BCR: variants seen among roughly 807,000 people sequenced by gnomAD.
BCR encodes BCR activator of RhoGEF and GTPase, also known as breakpoint cluster region protein.
A neutral mutation model predicts 138.6 loss-of-function variants in BCR; 58 were observed. That is an observed-to-expected ratio of 0.42 (90% CI 0.34 to 0.52). The LOEUF is 0.52. BCR is among the 20% of genes least tolerant of loss of function. The pLI, the probability that BCR is intolerant of heterozygous loss-of-function variation, is 0.06. For synonymous variants in BCR, 786 were observed against 730.1 expected, an observed-to-expected ratio of 1.08 and a Z score of -1.23; for missense variants, 1,599 against 1,727.2, an observed-to-expected ratio of 0.93 and a Z score of 1.32.
chr22:23,299,055 G>A (rs964577979), intron 16 of BCR, among the ~76,000 whole-genome samples: 8 of 152,210 alleles, frequency 5.3e-5, no homozygotes, highest in Non-Finnish European at 1.2e-4. Context: ...GGAGTGCAGT[G>A]GCATGATCTC....
At position 23,253,896 on chromosome 22, in the gene BCR, G is replaced by A. The variant is rs113473889; in HGVS notation, c.1377G>A (p.Ser459=). The A allele has an allele frequency of 1.1e-5, 17 of 1,613,110 alleles. No individual in the cohort carries two copies. The highest frequency in any genetic ancestry group is 1.1e-5 in the Non-Finnish European group (13 of 1,180,014). ...HQDGLPYIDD[S]PSSSPHLSSK... ...ATGGGCTGCCCTACATTGATGACTC[G>A]CCCTCCTCATCGCCCCACCTCAGCA... Residue 459 remains serine, a synonymous_variant, in exon 2 of 23, where the codon TCG becomes TCA. Transcript: ENST00000305877.
chr22:23,207,039 C>T lies in BCR; in HGVS notation c.1279+24800C>T, dbSNP rs182256696. ...TCCATCCATTCAACATTGAACTATC[C>T]ATTATTCACTCATCCATCCAAACAT... On this transcript the variant is annotated intron_variant, in intron 1 of 22. Transcript: ENST00000305877. Among the ~76,000 whole-genome samples the T allele has an allele frequency of 3.0e-3, 437 of 144,126 alleles. 1 individual carries two copies. The highest frequency in any genetic ancestry group is 0.01 in the African/African-American group (411 of 39,584). 94.6% of individuals were successfully genotyped at this position (144,126 alleles called of 152,430 possible). A position where few individuals can be genotyped will look rare whatever the true frequency, so the allele number is the denominator to read the frequency against.
intron 16 of BCR, among the ~76,000 whole-genome samples, chr22:23,299,325 C>T (rs1602120511): frequency 6.6e-6 from 1 of 152,202 alleles, no homozygotes; most frequent in Non-Finnish European, 1.5e-5. Context: ...CTCCTATGGG[C>T]GCCTCTGCCA....
chr22:23,276,835 T>C (rs1044472612), intron 8 of BCR, among the ~76,000 whole-genome samples: 1 of 152,244 alleles, frequency 6.6e-6, no homozygotes. Context: ...CAGGGTCCGC[T>C]CTCCCTCACT....
chr22:23,268,377 G>T, intron 4 of BCR, 31 bp from the exon 5 acceptor site: 1 of 1,549,660 alleles, frequency 6.5e-7, no homozygotes, highest in Non-Finnish European at 8.8e-7. Context: ...AGCAGCACCT[G>T]TCCCACTCTC....
Position 23,315,935 on chromosome 22 carries a change from A to G in BCR, c.*413A>G. The G allele has an allele frequency of 2.6e-6, 1 of 391,640 alleles. No individual in the cohort carries two copies. Among genetic ancestry groups the G allele is most frequent in the Non-Finnish European group, 4.8e-6 (1 of 207,356 alleles). The allele number at this position is 391,640 out of a possible 1,614,324, so 24.3% of individuals were successfully genotyped here. ...ATTCCCTCACTGTTGTATCTTGAATAAACGCTGCTGCTTCATCCTGTGGGG... is the reference window on the plus strand; with the variant it reads ...ATTCCCTCACTGTTGTATCTTGAATGAACGCTGCTGCTTCATCCTGTGGGG... On this transcript the variant is annotated 3_prime_UTR_variant, in exon 23 of 23. Transcript: ENST00000305877.
intron 12 of BCR, among the ~76,000 whole-genome samples, chr22:23,288,977 G>A (rs1456982965): frequency 6.6e-6 from 1 of 152,158 alleles, no homozygotes; most frequent in Non-Finnish European, 1.5e-5. Context: ...CAATGCCACC[G>A]TGGCCTGGGG....
At chr22:23,296,020 G>T (rs746375286) in intron 16 of BCR, among the ~76,000 whole-genome samples, 8 of 152,082 alleles carry the variant, frequency 5.3e-5, no homozygotes, top group African/African-American at 1.9e-4. Flanking sequence ...AGAAGCACAG[G>T]GCTCCTCAGG....
chr22:23,237,963 G>A (rs1602050515), intron 1 of BCR, among the ~76,000 whole-genome samples: 1 of 152,228 alleles, frequency 6.6e-6, no homozygotes. Context: ...TGCGTGAACA[G>A]GTGAGGCTTC....
chr22:23,287,951 C>A, intron 11 of BCR, 146 bp from the exon 12 acceptor site: 2 of 735,862 alleles, frequency 2.7e-6, no homozygotes, highest in Non-Finnish European at 2.4e-6. Flanking sequence ...GTGCCGGAAG[C>A]GACATGCCAG....
Position 23,244,066 on chromosome 22 carries a change from T to A in BCR, c.1280-9733T>A, listed in dbSNP as rs542251218. On this transcript the variant is annotated intron_variant, in intron 1 of 22. Transcript: ENST00000305877. ...CCCCCAGTGCCTTAAGTGGGAACAG[T>A]CTTGTGGTACTGAGCCCTTAACCTG... is the stretch of plus-strand genomic sequence containing the variant. 2.6e-5 allele frequency among the ~76,000 whole-genome samples: 4 copies of A among 152,206 alleles called. No homozygotes were observed. In the East Asian group the frequency reaches 7.7e-4, roughly 29 times the overall value.
intron 14 of BCR, chr22:23,290,741 A>C (rs2330370): frequency 0.2 from 66,730 of 342,008 alleles, 9,305 homozygotes; most frequent in African/African-American, 0.48. Flanking sequence ...TGTGGGGTCC[A>C]AGCCAGGAGG....
rs368449049 is a variant in BCR at position 23,316,226 on chromosome 22, T to C, written c.*704T>C. On this transcript the variant is annotated 3_prime_UTR_variant, in exon 23 of 23. Transcript: ENST00000305877. ...AGGGAGGGAACCCCAGGCTACGCAC[T>C]TTAGGGTTCGTTCTCCAGGGAGAGC... 4.6e-3 allele frequency: 737 copies of C among 161,428 alleles called. 2 individuals carry two copies. Among genetic ancestry groups the C allele is most frequent in the South Asian group, 0.018 (68 of 3,832 alleles). 10.0% of individuals were successfully genotyped at this position (161,428 alleles called of 1,614,324 possible). A position where few individuals can be genotyped will look rare whatever the true frequency, so the allele number is the denominator to read the frequency against.
intron 5 of BCR, among the ~76,000 whole-genome samples, 194 bp from the exon 6 acceptor site, chr22:23,271,338 G>A (rs980912704): frequency 2.6e-5 from 4 of 152,244 alleles, no homozygotes; most frequent in African/African-American, 9.6e-5. Context: ...CAGGTGGACC[G>A]CAGCATCCAG....
chr22:23,251,641 C>A (rs2073229801), intron 1 of BCR, among the ~76,000 whole-genome samples: 1 of 152,236 alleles, frequency 6.6e-6, no homozygotes, highest in Non-Finnish European at 1.5e-5. Flanking sequence ...TGCCTGAGGG[C>A]AGCCCTGTGC....
chr22:23,256,178 G>T (rs2073292934), intron 2 of BCR, among the ~76,000 whole-genome samples: 1 of 152,160 alleles, frequency 6.6e-6, no homozygotes, highest in Admixed American at 6.5e-5. Context: ...TGATCTTGAG[G>T]CCAGAGGCAC....
chr22:23,316,119 G>C lies in BCR; in HGVS notation c.*597G>C, dbSNP rs556811371. 5.9e-6 allele frequency: 1 copy of C among 170,848 alleles called. No individual in the cohort carries two copies. The highest frequency in any genetic ancestry group is 1.3e-4 in the East Asian group (1 of 7,874). The allele number at this position is 170,848 out of a possible 1,614,324, so 10.6% of individuals were successfully genotyped here. A position where few individuals can be genotyped will look rare whatever the true frequency, so the allele number is the denominator to read the frequency against. ...TTCTTTCCAGAAGGATTTTTGTGCA[G>C]AAATGGGTCTTTTGTTGCCATGTTA... On this transcript the variant is annotated 3_prime_UTR_variant, in exon 23 of 23. Coordinates refer to ENST00000305877, the MANE Select transcript of BCR (RefSeq NM_004327.4).
chr22:23,247,107 G>A (rs1369286310), intron 1 of BCR, among the ~76,000 whole-genome samples: 1 of 152,172 alleles, frequency 6.6e-6, no homozygotes, highest in Non-Finnish European at 1.5e-5. Flanking sequence ...AAAGACGTGT[G>A]CTGCTGTTTG....
chr22:23,208,667 A>G (rs2088174498), intron 1 of BCR, among the ~76,000 whole-genome samples: 3 of 152,116 alleles, frequency 2.0e-5, no homozygotes, highest in Admixed American at 2.0e-4. Flanking sequence ...AGTCTGGCCA[A>G]CGTGGTGAAA....
Sources: gnomAD v4.1 joint callset for allele counts (sites outside exome capture counted in the v4.1 genomes callset) on GRCh38, gnomAD v4.1.1 for gene constraint, MANE v1.5 for transcripts, NCBI Gene and HGNC (gene_info 2026-07-23, HGNC 2026-07-21) for gene names.